The following DOCK1 variants were observed in gnomAD, a reference collection of about 807,000 sequenced individuals.
The protein encoded by DOCK1 is dedicator of cytokinesis protein 1.
In DOCK1, 138 loss-of-function variants were observed where a neutral mutation model predicts 262.7. The ratio of observed to expected loss-of-function variants is 0.53; its 90% CI spans 0.46 to 0.61. The LOEUF is 0.61. DOCK1 is among the 20% of genes least tolerant of loss of function. DOCK1 has a pLI of 0.00. For missense variants in DOCK1, 1,908 were observed against 2,370.7 expected, an observed-to-expected ratio of 0.80 and a Z score of 4.05; for synonymous variants, 866 against 867.4, an observed-to-expected ratio of 1.00 and a Z score of 0.03.
chr10:127,283,561 G>T (rs2061040274), intron 29 of DOCK1, among the ~76,000 whole-genome samples: 1 of 152,174 alleles, frequency 6.6e-6, no homozygotes. Flanking sequence ...TCCTATTATG[G>T]TTGCAACTCT....
chr10:127,391,078 C>G (rs2066450608), intron 38 of DOCK1, among the ~76,000 whole-genome samples: 1 of 152,150 alleles, frequency 6.6e-6, no homozygotes, highest in Admixed American at 6.5e-5. Flanking sequence ...CTGTTGGTAT[C>G]TACTCCTTAG....
chr10:127,418,866 A>G (rs2068322480), intron 45 of DOCK1, among the ~76,000 whole-genome samples: 1 of 152,210 alleles, frequency 6.6e-6, no homozygotes, highest in Non-Finnish European at 1.5e-5. Flanking sequence ...ATAAAGTTAG[A>G]CAAAAACACC....
At chr10:126,963,581 C>CT (rs1769965974) in intron 1 of DOCK1, among the ~76,000 whole-genome samples, 3 of 67,810 alleles carry the variant, frequency 4.4e-5, no homozygotes, top group Admixed American at 1.8e-4. Context: ...CTCTCCTTCC[C>CT]TCCCTTCCCT....
intron 29 of DOCK1, among the ~76,000 whole-genome samples, chr10:127,271,238 G>A (rs978968824): frequency 6.6e-5 from 10 of 152,104 alleles, no homozygotes; most frequent in Non-Finnish European, 1.5e-4. Context: ...TGTCTGGGTA[G>A]CAAGGCTCAG....
chr10:127,089,626 A>G (rs9783262), intron 23 of DOCK1, among the ~76,000 whole-genome samples: 36,228 of 152,144 alleles, frequency 0.24, 6,151 homozygotes, highest in African/African-American at 0.49. Flanking sequence ...GGCCAAGTCC[A>G]GGCTTCAGGC....
intron 29 of DOCK1, among the ~76,000 whole-genome samples, chr10:127,283,391 T>G (rs1045682592): frequency 1.3e-5 from 2 of 152,046 alleles, no homozygotes; most frequent in Admixed American, 1.3e-4. Context: ...ACCAAGGAGG[T>G]TACTGAAGCC....
At chr10:126,999,492 A>C in intron 9 of DOCK1, 57 bp downstream of exon 9, 1 of 1,490,542 alleles carries the variant, frequency 6.7e-7, no homozygotes, top group East Asian at 2.3e-5. Flanking sequence ...GACTACTTTT[A>C]GCCATTTCTG....
intron 29 of DOCK1, among the ~76,000 whole-genome samples, chr10:127,301,340 T>C (rs1265975101): frequency 2.0e-5 from 3 of 152,210 alleles, no homozygotes; most frequent in Non-Finnish European, 2.9e-5. Context: ...GGCTGCTTCC[T>C]TTGTTTGAGC....
At chr10:127,037,608 T>G in intron 18 of DOCK1, 111 bp from the exon 19 acceptor site, 1 of 852,882 alleles carries the variant, frequency 1.2e-6, no homozygotes, top group Non-Finnish European at 1.8e-6. Flanking sequence ...AAAATAGGGT[T>G]GATTTCTCTG....
At position 127,429,388 on chromosome 10, in the gene DOCK1, G is replaced by A. The variant is rs2069126742; in HGVS notation, c.4914+3377G>A. On this transcript the variant is annotated intron_variant, in intron 47 of 51. Transcript: ENST00000623213. ...CCCCTTGTCCTTCCCTGAGAAATGTGGCAATAAAACGCAGTCTGGGATGTG... is the reference window on the plus strand; with the variant it reads ...CCCCTTGTCCTTCCCTGAGAAATGTAGCAATAAAACGCAGTCTGGGATGTG... 2.0e-5 allele frequency among the ~76,000 whole-genome samples: 3 copies of A among 152,132 alleles called. No individual in the cohort carries two copies. The South Asian group carries it at 6.2e-4, about 32-fold the overall frequency.
intron 38 of DOCK1, among the ~76,000 whole-genome samples, chr10:127,396,754 CA>C (rs372642343): frequency 0.31 from 42,138 of 133,980 alleles, 6,004 homozygotes; most frequent in Middle Eastern, 0.36. Flanking sequence ...ATCTCTGTTA[CA>C]AAAAAAAAAA....
At chr10:126,933,932 A>C (rs951717351) in intron 1 of DOCK1, among the ~76,000 whole-genome samples, 2 of 152,130 alleles carry the variant, frequency 1.3e-5, no homozygotes, top group African/African-American at 4.8e-5. Context: ...CTCCTGCCTC[A>C]GCCTCCCAAG....
chr10:127,380,663 C>A (rs11815624), intron 36 of DOCK1, among the ~76,000 whole-genome samples: 1 of 152,196 alleles, frequency 6.6e-6, no homozygotes, highest in Non-Finnish European at 1.5e-5. Context: ...GAGCCCTTCT[C>A]TCTTGGTTAC....
At position 127,117,972 on chromosome 10, in the gene DOCK1, A is replaced by G. The variant is rs75246588; in HGVS notation, c.2624-7502A>G. Among the ~76,000 whole-genome samples, 894 of 152,292 alleles carry G rather than the reference A, an allele frequency of 5.9e-3. 6 individuals are homozygous for G. The highest frequency in any genetic ancestry group is 0.021 in the African/African-American group (860 of 41,558). ...TGGGCATAAACTCCTCCCTGGGTGC[A>G]CAGTCCTTCCGCTAAGATGAACTGC... On this transcript the variant is annotated intron_variant, in intron 25 of 51. Coordinates refer to ENST00000623213, the MANE Select transcript of DOCK1 (RefSeq NM_001290223.2).
At position 127,419,767 on chromosome 10, in the gene DOCK1, A is replaced by T. The variant is rs1189518372; in HGVS notation, c.4776+18A>T. On this transcript the variant is annotated intron_variant, in intron 46 of 51. Coordinates refer to ENST00000623213, the MANE Select transcript of DOCK1 (RefSeq NM_001290223.2). ...CTTGGCAGGTAAAGTGTCCAGCAAG[A>T]GTCCTGCATGGCTGGAGGGAAGGAA... 9 of 1,576,694 alleles carry T rather than the reference A, an allele frequency of 5.7e-6. No individual in the cohort carries two copies. The highest frequency in any genetic ancestry group is 1.4e-5 in the African/African-American group (1 of 73,940).
intron 38 of DOCK1, among the ~76,000 whole-genome samples, chr10:127,395,104 G>A (rs1220610298): frequency 2.6e-5 from 4 of 152,176 alleles, no homozygotes; most frequent in Non-Finnish European, 5.9e-5. Flanking sequence ...ATGACATCTC[G>A]CTTTTCCGGG....
At chr10:126,941,582 C>T (rs890325453) in intron 1 of DOCK1, among the ~76,000 whole-genome samples, 8 of 152,240 alleles carry the variant, frequency 5.3e-5, no homozygotes, top group South Asian at 2.1e-4. Context: ...CGGTGAAACC[C>T]TGTCTCTACT....
At chr10:127,405,590 C>T (rs55755542) in intron 40 of DOCK1, among the ~76,000 whole-genome samples, 9,923 of 152,166 alleles carry the variant, frequency 0.065, 514 homozygotes, top group East Asian at 0.27. Context: ...TGGTTCCAGA[C>T]GTTGTTCATT....
Position 127,313,966 on chromosome 10 carries a change from T to A in DOCK1, c.3045-25040T>A, listed in dbSNP as rs560771825. 8.5e-5 allele frequency among the ~76,000 whole-genome samples: 13 copies of A among 152,342 alleles called. No individual in the cohort carries two copies. In the East Asian group the frequency reaches 1.9e-3, roughly 23 times the overall value. On this transcript the variant is annotated intron_variant, in intron 29 of 51. Transcript: ENST00000623213. ...TGCACATCGATTTGTTCTGTTCAGATGCTTTGTGTGGAACGTATTTTATGT... is the reference window on the plus strand; with the variant it reads ...TGCACATCGATTTGTTCTGTTCAGAAGCTTTGTGTGGAACGTATTTTATGT...
Sources: gnomAD v4.1 joint callset for allele counts (sites outside exome capture counted in the v4.1 genomes callset) on GRCh38, gnomAD v4.1.1 for gene constraint, MANE v1.5 for transcripts, NCBI Gene and HGNC (gene_info 2026-07-23, HGNC 2026-07-21) for gene names.